The following TLK2 variants were observed in gnomAD, a reference collection of about 807,000 sequenced individuals.
The protein encoded by TLK2 is tousled like kinase 2, also known as serine/threonine-protein kinase tousled-like 2.
In TLK2, 6 loss-of-function variants were observed where a neutral mutation model predicts 117.3. The ratio of observed to expected loss-of-function variants is 0.05; its 90% confidence interval spans 0.03 to 0.10. TLK2 has a LOEUF of 0.10. Among genes scored for constraint, TLK2 ranks in the 10% least tolerant of loss-of-function variants. The pLI is 1.00. For synonymous variants in TLK2, 257 were observed against 316.7 expected, an observed-to-expected ratio of 0.81 and a Z score of 2.00; for missense variants, 299 against 901.2, an observed-to-expected ratio of 0.33 and a Z score of 8.56.
At chr17:62,483,229 C>A (rs1173104799) in intron 2 of TLK2, among the ~76,000 whole-genome samples, 1 of 135,700 alleles carries the variant, frequency 7.4e-6, no homozygotes, top group Non-Finnish European at 1.5e-5. Context: ...AGTTTGTATT[C>A]AAATTTTACA....
At chr17:62,591,550 G>T (rs1304605536) in intron 16 of TLK2, among the ~76,000 whole-genome samples, 1 of 152,126 alleles carries the variant, frequency 6.6e-6, no homozygotes, top group African/African-American at 2.4e-5. Flanking sequence ...GGTAGTGTGT[G>T]TTCTAACACC....
chr17:62,499,083 G>A (rs977347099), intron 2 of TLK2, among the ~76,000 whole-genome samples: 2 of 151,992 alleles, frequency 1.3e-5, no homozygotes, highest in African/African-American at 4.8e-5. Flanking sequence ...ACTCATGCCT[G>A]TAATCCCAGC....
In TLK2 at chr17:62,574,378, A is replaced by T. The variant is rs893276885; in HGVS notation, c.1121+1011A>T. The T allele has an allele frequency of 4.6e-6, 7 of 1,533,212 alleles. No individual in the cohort carries two copies. The African/African-American group carries it at 5.5e-5, about 12-fold the overall frequency. The allele number at this position is 1,533,212 out of a possible 1,614,324, so 95.0% of individuals were successfully genotyped here. ...CTGGGAATACAGAGCTAAAGGATAC[A>T]GCCCCAGCCTTAGGAGCCCACAGTT... is the stretch of plus-strand genomic sequence containing the variant. On this transcript the variant is annotated intron_variant, in intron 12 of 21. Coordinates refer to ENST00000346027, the MANE Select transcript of TLK2 (RefSeq NM_006852.6).
intron 16 of TLK2, among the ~76,000 whole-genome samples, chr17:62,588,176 T>C (rs1490497866): frequency 6.6e-6 from 1 of 152,142 alleles, no homozygotes; most frequent in Non-Finnish European, 1.5e-5. Context: ...CATATTTTTA[T>C]ACATATACGT....
chr17:62,514,812 C>CA (rs2075439573), intron 2 of TLK2, among the ~76,000 whole-genome samples: 1 of 152,116 alleles, frequency 6.6e-6, no homozygotes, highest in South Asian at 2.1e-4. Context: ...CTCCTGGCCT[C>CA]ACGTGATCCA....
In TLK2 at chr17:62,580,210, G is replaced by C; in HGVS notation, c.1368+18G>C. The C allele has an allele frequency of 6.3e-7, 1 of 1,584,632 alleles. No homozygotes were observed. ...TTTACAAGGTAAGTATAAGGAACTG[G>C]ATACAAAGACTGGGGGTTAAATTAT... On this transcript the variant is annotated intron_variant, in intron 15 of 21. Transcript: ENST00000346027.
intron 2 of TLK2, among the ~76,000 whole-genome samples, chr17:62,487,241 G>A (rs1296094148): frequency 1.3e-5 from 2 of 150,958 alleles, no homozygotes; most frequent in East Asian, 3.9e-4. Context: ...GCAGTTAGCC[G>A]AGATCATGCC....
At chr17:62,513,486 GCTAA>G (rs887439514) in intron 2 of TLK2, among the ~76,000 whole-genome samples, 10 of 151,574 alleles carry the variant, frequency 6.6e-5, no homozygotes, top group African/African-American at 2.4e-4. Context: ...ACCATGGCTG[GCTAA>G]CTTTTTCATT....
At chr17:62,535,951 A>G (rs1239775621) in intron 6 of TLK2, among the ~76,000 whole-genome samples, 1 of 152,162 alleles carries the variant, frequency 6.6e-6, no homozygotes, top group African/African-American at 2.4e-5. Context: ...TAGAACCATT[A>G]AAATATAATG....
intron 2 of TLK2, among the ~76,000 whole-genome samples, chr17:62,487,023 G>C (rs1407929829): frequency 6.6e-6 from 1 of 152,216 alleles, no homozygotes; most frequent in Non-Finnish European, 1.5e-5. Context: ...GCTGGGCGCA[G>C]TGGCTTACGC....
In TLK2 at chr17:62,608,107, G is replaced by A. The variant is rs1356213410; in HGVS notation, c.2038G>A (p.Val680Met). The change falls in exon 21 of 22, where the codon GTG (valine) becomes ATG (methionine). Residue 680 changes from valine to methionine, a missense_variant. By Grantham distance (21) the Val-to-Met change is conservative. This residue lies in a region of TLK2 where 81 missense variants were observed against 370.9 expected (regional missense o/e 0.22). Coordinates refer to ENST00000346027, the MANE Select transcript of TLK2 (RefSeq NM_006852.6). ...QENTILKATE[V>M]QFPPKPVVTP... ...GAATACGATTCTTAAAGCTACTGAA[G>A]TGCAGTTCCCGCCAAAGCCAGTAGT... 6.2e-7 allele frequency: 1 copy of A among 1,614,050 alleles called. No homozygotes were observed. Among genetic ancestry groups the A allele is most frequent in the Admixed American group, 1.7e-5 (1 of 60,010 alleles).
At chr17:62,573,838 C>T (rs2080522059) in intron 12 of TLK2, among the ~76,000 whole-genome samples, 1 of 152,114 alleles carries the variant, frequency 6.6e-6, no homozygotes, top group South Asian at 2.1e-4. Flanking sequence ...GGACATTGTC[C>T]CAATAAGCCA....
chr17:62,576,094 T>G (rs1421929248), intron 12 of TLK2, among the ~76,000 whole-genome samples: 1 of 152,212 alleles, frequency 6.6e-6, no homozygotes, highest in Non-Finnish European at 1.5e-5. Flanking sequence ...TTAAATAGCA[T>G]TTTCAATATT....
At chr17:62,483,249 T>C (rs1423406164) in intron 2 of TLK2, among the ~76,000 whole-genome samples, 1 of 150,806 alleles carries the variant, frequency 6.6e-6, no homozygotes, top group African/African-American at 2.5e-5. Flanking sequence ...ATAGTTAAGC[T>C]CACTGATCTT....
chr17:62,574,324 T>C (rs1215505954), intron 12 of TLK2: 5 of 1,539,462 alleles, frequency 3.2e-6, no homozygotes, highest in Non-Finnish European at 4.4e-6. Context: ...AAGTTTATGT[T>C]AAATGCTTAT....
At chr17:62,544,983 A>G (rs867401054) in intron 7 of TLK2, among the ~76,000 whole-genome samples, 2 of 152,178 alleles carry the variant, frequency 1.3e-5, no homozygotes, top group Middle Eastern at 6.8e-3. Context: ...TCTTAGTTTT[A>G]TTTTCAGATT....
intron 19 of TLK2, among the ~76,000 whole-genome samples, chr17:62,602,887 A>G (rs1568007629): frequency 6.6e-6 from 1 of 152,208 alleles, no homozygotes; most frequent in Admixed American, 6.5e-5. Flanking sequence ...CTATGGTTGT[A>G]AAAGTGTGTT....
At chr17:62,580,492 A>G (rs1437057992) in intron 15 of TLK2, among the ~76,000 whole-genome samples, 1 of 152,210 alleles carries the variant, frequency 6.6e-6, no homozygotes, top group Non-Finnish European at 1.5e-5. Flanking sequence ...TGCCTCATAC[A>G]TATTTGTTAG....
chr17:62,492,477 A>G (rs559295940), intron 2 of TLK2, among the ~76,000 whole-genome samples: 1 of 150,856 alleles, frequency 6.6e-6, no homozygotes, highest in Non-Finnish European at 1.5e-5. Flanking sequence ...TTGTTTTTTG[A>G]GACTCAGTCT....
Sources: allele counts gnomAD v4.1 joint callset (sites outside exome capture counted in the v4.1 genomes callset), GRCh38; gene constraint gnomAD v4.1.1; regional missense constraint gnomAD v4.1.1; transcripts MANE v1.5; gene names NCBI Gene and HGNC (gene_info 2026-07-23, HGNC 2026-07-21).